Variants in SNRPF observed in about 807,000 individuals in gnomAD.
SNRPF encodes the protein small nuclear ribonucleoprotein F.
SNRPF carries 1 observed loss-of-function variant against 13.4 expected under a neutral mutation model. That is an observed-to-expected ratio of 0.07 (90% CI 0.03 to 0.35). The LOEUF (loss-of-function observed/expected upper bound fraction) is 0.35. Ranked by LOEUF, SNRPF falls within the 10% of genes least tolerant of loss-of-function variation. The probability of loss-of-function intolerance (pLI) is 0.99; values close to 1 mark genes in which losing one functional copy is unlikely to be tolerated. For synonymous variants in SNRPF, 27 were observed against 32.1 expected (o/e 0.84, Z 0.54); for missense variants, 53 against 101.0 (o/e 0.52, Z 2.04).
Position 95,859,008 on chromosome 12 carries a change from A to C in SNRPF, c.-66A>C. 1 of 1,604,852 alleles carries C rather than the reference A, an allele frequency of 6.2e-7. No individual in the cohort carries two copies. The highest frequency in any genetic ancestry group is 8.5e-7 in the Non-Finnish European group (1 of 1,176,922). On this transcript the variant is annotated 5_prime_UTR_variant, in exon 1 of 4. Coordinates refer to ENST00000266735, the MANE Select transcript of SNRPF (RefSeq NM_003095.5). ...GCTCGGGACCTGCGGTACCTGCTGT[A>C]GTCACGAGGGACGGGCGGCGGCCTG...
chr12:95,865,955 C>CAT (rs779821001), intron 3 of SNRPF, 50 bp from the exon 4 acceptor site: 1 of 769,762 alleles, frequency 1.3e-6, no homozygotes, highest in Admixed American at 2.1e-5. Flanking sequence ...TAATTCATAT[C>CAT]ATACATGGTT....
rs554639581 is a variant in SNRPF at position 95,861,103 on chromosome 12, G to A, written c.4-65G>A. ...GCATACCACAAAATATTGGTGATTC[G>A]GTAGAAGAGAGTTGGTGGTGGGAGG... On this transcript the variant is annotated intron_variant, in intron 1 of 3. Coordinates refer to ENST00000266735, the MANE Select transcript of SNRPF (RefSeq NM_003095.5). 3.9e-5 allele frequency: 57 copies of A among 1,469,958 alleles called. No individual in the cohort carries two copies. In the East Asian group the frequency reaches 5.7e-4, roughly 15 times the overall value. The allele number at this position is 1,469,958 out of a possible 1,614,324, so 91.1% of individuals were successfully genotyped here.
intron 1 of SNRPF, 139 bp downstream of exon 1, chr12:95,859,215 C>G: frequency 4.3e-6 from 3 of 691,406 alleles, no homozygotes; most frequent in Non-Finnish European, 7.2e-6. Flanking sequence ...GCTCCTTTCA[C>G]TCTGCTTTTA....
intron 1 of SNRPF, among the ~76,000 whole-genome samples, chr12:95,859,883 A>G (rs568618526): frequency 8.5e-5 from 13 of 152,334 alleles, no homozygotes; most frequent in African/African-American, 3.1e-4. Flanking sequence ...CAGAAATATG[A>G]CAATCTGATG....
chr12:95,865,454 T>C (rs2079516676), intron 3 of SNRPF, 66 bp downstream of exon 3: 1 of 669,268 alleles, frequency 1.5e-6, no homozygotes. Flanking sequence ...GTTCTAAATA[T>C]ATTAGTGCCT....
intron 2 of SNRPF, among the ~76,000 whole-genome samples, chr12:95,864,044 G>A (rs1441934813): frequency 6.6e-6 from 1 of 152,186 alleles, no homozygotes; most frequent in African/African-American, 2.4e-5. Flanking sequence ...CAAAAAATTA[G>A]TTGCTCTTAA....
rs376180959 is a variant in SNRPF at position 95,860,765 on chromosome 12, G to A, written c.4-403G>A. 2.1e-4 allele frequency among the ~76,000 whole-genome samples: 32 copies of A among 151,264 alleles called. No individual in the cohort carries two copies. In the South Asian group the frequency reaches 5.9e-3, roughly 28 times the overall value. ...GGGTCTCACTATGTTGCCTGGGCTG[G>A]TCTTGAACTCGTGACCTCAAGTGAT... On this transcript the variant is annotated intron_variant, in intron 1 of 3. Coordinates refer to ENST00000266735, the MANE Select transcript of SNRPF (RefSeq NM_003095.5).
intron 1 of SNRPF, 65 bp from the exon 2 acceptor site, chr12:95,861,103 G>T: frequency 6.8e-7 from 1 of 1,469,956 alleles, no homozygotes; most frequent in African/African-American, 1.4e-5. Flanking sequence ...TTGGTGATTC[G>T]GTAGAAGAGA....
At chr12:95,859,127 G>T (rs769343877) in intron 1 of SNRPF, 51 bp downstream of exon 1, 12 of 1,509,250 alleles carry the variant, frequency 8.0e-6, no homozygotes, top group Middle Eastern at 1.7e-4. Flanking sequence ...GAAGGAGGGA[G>T]ACCAGCCTCG....
intron 1 of SNRPF, among the ~76,000 whole-genome samples, chr12:95,859,331 A>G (rs979164017): frequency 2.2e-4 from 34 of 152,256 alleles, no homozygotes; most frequent in African/African-American, 6.7e-4. Context: ...AGTTGGGGCT[A>G]TAGGGTCGGG....
chr12:95,860,850 C>CA (rs2079492234), intron 1 of SNRPF, among the ~76,000 whole-genome samples: 1 of 74,734 alleles, frequency 1.3e-5, no homozygotes, highest in Non-Finnish European at 2.9e-5. Flanking sequence ...CTACCTGGCC[C>CA]GCTTTTTTTT....
intron 2 of SNRPF, chr12:95,865,123 T>A: frequency 2.7e-6 from 1 of 372,448 alleles, no homozygotes; most frequent in Non-Finnish European, 4.8e-6. Flanking sequence ...AAGCTTTGAA[T>A]ATTAATTTCG....
At chr12:95,863,450 T>C (rs1035531684) in intron 2 of SNRPF, among the ~76,000 whole-genome samples, 14 of 152,234 alleles carry the variant, frequency 9.2e-5, no homozygotes, top group African/African-American at 2.9e-4. Flanking sequence ...TATAGCTTGC[T>C]AGTGACCCTG....
At chr12:95,863,730 C>A (rs574640523) in intron 2 of SNRPF, among the ~76,000 whole-genome samples, 1 of 152,276 alleles carries the variant, frequency 6.6e-6, no homozygotes, top group South Asian at 2.1e-4. Flanking sequence ...TATAGAGTAG[C>A]CTCTCTGAGG....
chr12:95,863,493 C>G (rs2079505761), intron 2 of SNRPF, among the ~76,000 whole-genome samples: 1 of 152,200 alleles, frequency 6.6e-6, no homozygotes, highest in Non-Finnish European at 1.5e-5. Flanking sequence ...TAACCAACCA[C>G]TTTGAGTAGT....
At position 95,859,063 on chromosome 12, in the gene SNRPF, C is replaced by T; in HGVS notation, c.-11C>T. ...GCAGAGAGTAGCCTGCAACATTCGGCCGTGGTTACGATGGTAAGGAGAAAG... is the reference window on the plus strand; with the variant it reads ...GCAGAGAGTAGCCTGCAACATTCGGTCGTGGTTACGATGGTAAGGAGAAAG... On this transcript the variant is annotated 5_prime_UTR_variant, in exon 1 of 4. Transcript: ENST00000266735. The T allele has an allele frequency of 2.5e-6, 4 of 1,613,084 alleles. No homozygotes were observed. Among genetic ancestry groups the T allele is most frequent in the South Asian group, 1.1e-5 (1 of 90,710 alleles).
At position 95,859,083 on chromosome 12, in the gene SNRPF, A is replaced by G. The variant is rs1440099611; in HGVS notation, c.3+7A>G. ...TTCGGCCGTGGTTACGATGGTAAGG[A>G]GAAAGAGAACGGCGGGAGAAGCGGG... On this transcript the variant is annotated splice_region_variant and intron_variant, in intron 1 of 3. Coordinates refer to ENST00000266735, the MANE Select transcript of SNRPF (RefSeq NM_003095.5). The G allele has an allele frequency of 6.2e-7, 1 of 1,612,624 alleles. No individual in the cohort carries two copies. The highest frequency in any genetic ancestry group is 1.7e-5 in the Admixed American group (1 of 59,952).
At position 95,859,018 on chromosome 12, in the gene SNRPF, G is replaced by C; in HGVS notation, c.-56G>C. 6.2e-7 allele frequency: 1 copy of C among 1,608,412 alleles called. No individual in the cohort carries two copies. Among genetic ancestry groups the C allele is most frequent in the Non-Finnish European group, 8.5e-7 (1 of 1,178,386 alleles). On this transcript the variant is annotated 5_prime_UTR_variant, in exon 1 of 4. Transcript: ENST00000266735. ...TGCGGTACCTGCTGTAGTCACGAGGGACGGGCGGCGGCCTGGTCGGCAGAG... is the reference window on the plus strand; with the variant it reads ...TGCGGTACCTGCTGTAGTCACGAGGCACGGGCGGCGGCCTGGTCGGCAGAG...
At chr12:95,861,087 A>G in intron 1 of SNRPF, 81 bp from the exon 2 acceptor site, 2 of 1,367,706 alleles carry the variant, frequency 1.5e-6, no homozygotes, top group Non-Finnish European at 2.0e-6. Context: ...TGCATACCAC[A>G]AAATATTGGT....
Sources: gnomAD v4.1 joint callset for allele counts (sites outside exome capture counted in the v4.1 genomes callset) on GRCh38, gnomAD v4.1.1 for gene constraint, MANE v1.5 for transcripts, NCBI Gene and HGNC (gene_info 2026-07-23, HGNC 2026-07-21) for gene names.